Variants in KIF13A observed in about 807,000 individuals in gnomAD.
KIF13A encodes the protein kinesin-like protein KIF13A.
KIF13A carries 79 observed loss-of-function variants against 212.2 expected under a neutral mutation model. The observed-to-expected ratio is 0.37, with a 90% CI of 0.31 to 0.45. The LOEUF (loss-of-function observed/expected upper bound fraction) is 0.45, where lower values mean the gene tolerates loss of function less well. KIF13A is among the 20% of genes least tolerant of loss of function. The pLI is 1.00. For missense variants in KIF13A, 1,901 were observed against 2,209.0 expected (o/e 0.86, Z 2.79); for synonymous variants, 789 against 808.6 (o/e 0.98, Z 0.41).
rs183498334 is a variant in KIF13A at position 17,950,064 on chromosome 6, G to A, written c.146+36990C>T. Among the ~76,000 whole-genome samples, 449 of 152,218 alleles carry A rather than the reference G, an allele frequency of 2.9e-3. 4 individuals are homozygous for A. The highest frequency in any genetic ancestry group is 0.01 in the African/African-American group (429 of 41,578). ...CTGGGCACTCACAATGCAAGGGTCT[G>A]TTGAAAACAAAAACTACTGACCCAA... is the stretch of plus-strand genomic sequence containing the variant. On this transcript the variant is annotated intron_variant, in intron 2 of 38. Transcript: ENST00000259711.
At position 17,855,343 on chromosome 6, in the gene KIF13A, G is replaced by A. The variant is rs999329520; in HGVS notation, c.494+94C>T. ...ATGAAAACCAGTGTAGTCACCAAGA[G>A]CTTAAATACGTATATTCACTTCCAA... On this transcript the variant is annotated intron_variant, in intron 6 of 38. Coordinates refer to ENST00000259711, the MANE Select transcript of KIF13A (RefSeq NM_022113.6). The surrounding 1 kb of genome is among the most constrained non-coding windows in gnomAD (Gnocchi z 4.1). 2 of 951,274 alleles carry A rather than the reference G, an allele frequency of 2.1e-6. No homozygotes were observed. Among genetic ancestry groups the A allele is most frequent in the African/African-American group, 3.3e-5 (2 of 60,476 alleles). The allele number at this position is 951,274 out of a possible 1,614,324, so 58.9% of individuals were successfully genotyped here.
chr6:17,841,264 T>G (rs1211054477), intron 9 of KIF13A, among the ~76,000 whole-genome samples: 1 of 151,946 alleles, frequency 6.6e-6, no homozygotes, highest in Non-Finnish European at 1.5e-5. Flanking sequence ...GGGGCCTCAC[T>G]TTGTTGCCCA....
At chr6:17,782,825 T>C (rs554046982) in intron 29 of KIF13A, among the ~76,000 whole-genome samples, 1 of 152,322 alleles carries the variant, frequency 6.6e-6, no homozygotes, top group Non-Finnish European at 1.5e-5. Context: ...ATTATCTTCT[T>C]CCAACATCCT....
chr6:17,780,729 C>A lies in KIF13A; in HGVS notation c.3846+1G>T. The A allele has an allele frequency of 6.2e-7, 1 of 1,613,388 alleles. No homozygotes were observed. The highest frequency in any genetic ancestry group is 8.5e-7 in the Non-Finnish European group (1 of 1,179,498). On this transcript the variant is annotated splice_donor_variant, in intron 31 of 38. Coordinates refer to ENST00000259711, the MANE Select transcript of KIF13A (RefSeq NM_022113.6). LOFTEE classifies it high-confidence loss of function. ...ATGGCACAATCAGGCCCCGTTATTA[C>A]CTGTTTGTTGTAAATATTGGCTGCA...
chr6:17,984,604 G>A lies in KIF13A; in HGVS notation c.146+2450C>T. 1.2e-6 allele frequency: 1 copy of A among 869,040 alleles called. No homozygotes were observed. The highest frequency in any genetic ancestry group is 1.4e-6 in the Non-Finnish European group (1 of 726,676). 53.8% of individuals were successfully genotyped at this position (869,040 alleles called of 1,614,324 possible). A position where few individuals can be genotyped will look rare whatever the true frequency, so the allele number is the denominator to read the frequency against. ...CCATCTGTTTTTTTTTTTTTTCCCTGGACGTCAATGCATTCTCACTTGTTT... is the reference window on the plus strand; with the variant it reads ...CCATCTGTTTTTTTTTTTTTTCCCTAGACGTCAATGCATTCTCACTTGTTT... On this transcript the variant is annotated intron_variant, in intron 2 of 38. Coordinates refer to ENST00000259711, the MANE Select transcript of KIF13A (RefSeq NM_022113.6). The surrounding 1 kb of genome is among the most constrained non-coding windows in gnomAD (Gnocchi z 5.0).
At chr6:17,875,872 C>G (rs1293874988) in intron 3 of KIF13A, among the ~76,000 whole-genome samples, 1 of 152,048 alleles carries the variant, frequency 6.6e-6, no homozygotes, top group Non-Finnish European at 1.5e-5. Context: ...TGAGCTACTC[C>G]ATGAAAAAAG....
At chr6:17,974,857 A>G (rs1422289621) in intron 2 of KIF13A, among the ~76,000 whole-genome samples, 1 of 152,238 alleles carries the variant, frequency 6.6e-6, no homozygotes, top group East Asian at 1.9e-4. Context: ...AATAAAAGTT[A>G]AATTCCTTGA....
At position 17,941,557 on chromosome 6, in the gene KIF13A, G is replaced by A. The variant is rs76515463; in HGVS notation, c.147-43377C>T. On this transcript the variant is annotated intron_variant, in intron 2 of 38. Coordinates refer to ENST00000259711, the MANE Select transcript of KIF13A (RefSeq NM_022113.6). ...GGTGTCTTTATAAGCAAGGAAATCC[G>A]GACAGAGACACACAGAGAAGGAAGA... 8.6e-5 allele frequency among the ~76,000 whole-genome samples: 13 copies of A among 152,036 alleles called. No homozygotes were observed. In the East Asian group the frequency reaches 9.7e-4, roughly 11 times the overall value.
At chr6:17,964,253 G>A (rs913200977) in intron 2 of KIF13A, among the ~76,000 whole-genome samples, 2 of 152,198 alleles carry the variant, frequency 1.3e-5, no homozygotes, top group Admixed American at 6.5e-5. Context: ...AGCTCATATC[G>A]TAGCCATCGC....
chr6:17,974,633 T>C (rs934560467), intron 2 of KIF13A, among the ~76,000 whole-genome samples: 1 of 148,906 alleles, frequency 6.7e-6, no homozygotes, highest in African/African-American at 2.5e-5. Context: ...TAAGCAACAA[T>C]AGTAACTGGG....
intron 2 of KIF13A, among the ~76,000 whole-genome samples, chr6:17,938,370 T>C (rs1454686988): frequency 6.6e-6 from 1 of 152,054 alleles, no homozygotes; most frequent in Non-Finnish European, 1.5e-5. Context: ...ACGACCAATG[T>C]AATAAGAAAG....
chr6:17,948,396 TAC>T (rs1386778822), intron 2 of KIF13A, among the ~76,000 whole-genome samples: 2 of 152,052 alleles, frequency 1.3e-5, no homozygotes, highest in African/African-American at 4.8e-5. Flanking sequence ...GAAAATAAAA[TAC>T]AGAGTCAAAT....
intron 38 of KIF13A, among the ~76,000 whole-genome samples, chr6:17,770,055 G>A (rs2150290069): frequency 6.6e-6 from 1 of 152,274 alleles, no homozygotes; most frequent in Middle Eastern, 3.4e-3. Flanking sequence ...CCCCAAGCAC[G>A]CAGGTGGGTG....
intron 2 of KIF13A, among the ~76,000 whole-genome samples, chr6:17,910,274 ACT>A (rs1274801081): frequency 6.6e-6 from 1 of 152,262 alleles, no homozygotes; most frequent in Admixed American, 6.5e-5. Flanking sequence ...ACATAGAAGT[ACT>A]GTCTCATTAC....
intron 2 of KIF13A, among the ~76,000 whole-genome samples, chr6:17,906,293 T>C (rs1199929174): frequency 6.6e-6 from 1 of 152,160 alleles, no homozygotes; most frequent in Non-Finnish European, 1.5e-5. Flanking sequence ...CATTTTCTAA[T>C]TGTTTTTCTC....
At chr6:17,857,159 T>C (rs1348963181) in intron 4 of KIF13A, among the ~76,000 whole-genome samples, 1 of 152,208 alleles carries the variant, frequency 6.6e-6, no homozygotes, top group African/African-American at 2.4e-5. Flanking sequence ...TTAGATCTGA[T>C]TTTAGGAGTC....
chr6:17,785,960 G>A lies in KIF13A; in HGVS notation c.3362-319C>T, dbSNP rs899211589. Among the ~76,000 whole-genome samples, 3 of 152,154 alleles carry A rather than the reference G, an allele frequency of 2.0e-5. No homozygotes were observed. Among genetic ancestry groups the A allele is most frequent in the Non-Finnish European group, 1.5e-5 (1 of 68,024 alleles). On this transcript the variant is annotated intron_variant, in intron 27 of 38. Coordinates refer to ENST00000259711, the MANE Select transcript of KIF13A (RefSeq NM_022113.6). The surrounding 1 kb of genome is among the most constrained non-coding windows in gnomAD (Gnocchi z 5.8). ...AAACAATAAACAGATTTCACTCAGTGCTATCTATAAGTGGTTTAACCATCC... is the reference window on the plus strand; with the variant it reads ...AAACAATAAACAGATTTCACTCAGTACTATCTATAAGTGGTTTAACCATCC...
rs183885434 is a variant in KIF13A, at chr6:17,763,945, G to A, written c.*165C>T. 4.7e-5 allele frequency: 68 copies of A among 1,438,400 alleles called. No individual in the cohort carries two copies. The highest frequency in any genetic ancestry group is 4.9e-5 in the Non-Finnish European group (54 of 1,099,556). 89.1% of individuals were successfully genotyped at this position (1,438,400 alleles called of 1,614,324 possible). ...ACTGGTCTTATAATTTCACAATTGC[G>A]TTCTAGTTCCCAAAACAGACTTGCT... is the stretch of plus-strand genomic sequence containing the variant. On this transcript the variant is annotated 3_prime_UTR_variant, in exon 39 of 39. Coordinates refer to ENST00000259711, the MANE Select transcript of KIF13A (RefSeq NM_022113.6).
At chr6:17,920,666 G>A (rs1056380054) in intron 2 of KIF13A, among the ~76,000 whole-genome samples, 2 of 152,102 alleles carry the variant, frequency 1.3e-5, no homozygotes, top group African/African-American at 4.8e-5. Flanking sequence ...CTGAGGTCCG[G>A]AGTTCGAGAC....
Sources: allele counts gnomAD v4.1 joint callset (sites outside exome capture counted in the v4.1 genomes callset), GRCh38; gene constraint gnomAD v4.1.1; non-coding constraint Gnocchi (gnomAD v3.1); transcripts MANE v1.5; gene names NCBI Gene and HGNC (gene_info 2026-07-23, HGNC 2026-07-21).